The following VAV2 variants were observed in gnomAD, a reference collection of about 807,000 sequenced individuals.
The protein encoded by VAV2 is vav guanine nucleotide exchange factor 2, also known as guanine nucleotide exchange factor VAV2.
In VAV2, 67 loss-of-function variants were observed where a neutral mutation model predicts 132.5. The ratio of observed to expected loss-of-function variants is 0.51; its 90% CI spans 0.42 to 0.62. The LOEUF is 0.62. Ranked by LOEUF, VAV2 falls within the 20% of genes least tolerant of loss-of-function variation. The probability of loss-of-function intolerance (pLI) is 0.00; values close to 1 mark genes in which losing one functional copy is unlikely to be tolerated. For missense variants in VAV2, 938 were observed against 1,153.6 expected, an observed-to-expected ratio of 0.81 and a Z score of 2.71; for synonymous variants, 492 against 443.5, an observed-to-expected ratio of 1.11 and a Z score of -1.37.
chr9:133,799,926 C>T (rs1019629820), intron 9 of VAV2, among the ~76,000 whole-genome samples: 2 of 152,116 alleles, frequency 1.3e-5, no homozygotes, highest in African/African-American at 2.4e-5. Flanking sequence ...TGCCCCGCTC[C>T]GGATCGGTGT....
At position 133,991,166 on chromosome 9, in the gene VAV2, G is replaced by T. The variant is rs1454464848; in HGVS notation, c.204+909C>A. 6.6e-6 allele frequency among the ~76,000 whole-genome samples: 1 copy of T among 152,136 alleles called. No homozygotes were observed. Among genetic ancestry groups the T allele is most frequent in the Non-Finnish European group, 1.5e-5 (1 of 68,022 alleles). On this transcript the variant is annotated intron_variant, in intron 1 of 29. Transcript: ENST00000371850. The surrounding 1 kb of genome is among the most constrained non-coding windows in gnomAD (Gnocchi z 4.8). ...GACCGCACCTCCTCGGCGCTGGGTG[G>T]ACCCGGCTGCCACCCGCTCTGCCTC...
chr9:133,780,630 C>A, intron 20 of VAV2, 64 bp downstream of exon 20: 2 of 1,187,008 alleles, frequency 1.7e-6, no homozygotes, highest in South Asian at 5.7e-5. Context: ...GTCTTTCTGG[C>A]TCTGCGCACA....
At chr9:133,952,937 G>C (rs2319062) in intron 1 of VAV2, among the ~76,000 whole-genome samples, 7 of 133,624 alleles carry the variant, frequency 5.2e-5, no homozygotes, top group African/African-American at 8.6e-5. Flanking sequence ...CATGGCCCCC[G>C]GGACACCTAG....
Position 133,861,443 on chromosome 9 carries a change from CAAG to C in VAV2, c.322-14_322-12del. Reference sequence around the variant, plus strand: ...CACCGCGGAGATGACCTGGGGGAGACAAGAAGAGACGCTCCTGTAATTTCACAA... The same window carrying C: ...CACCGCGGAGATGACCTGGGGGAGACAAGAGACGCTCCTGTAATTTCACAA... On this transcript the variant is annotated splice_polypyrimidine_tract_variant and intron_variant, in intron 2 of 29. Coordinates refer to ENST00000371850, the MANE Select transcript of VAV2 (RefSeq NM_001134398.2). 1 of 1,612,470 alleles carries C rather than the reference CAAG, an allele frequency of 6.2e-7. No homozygotes were observed. Among genetic ancestry groups the C allele is most frequent in the Non-Finnish European group, 8.5e-7 (1 of 1,179,496 alleles).
chr9:133,796,860 G>A (rs1834739592), intron 10 of VAV2, among the ~76,000 whole-genome samples: 1 of 152,226 alleles, frequency 6.6e-6, no homozygotes, highest in African/African-American at 2.4e-5. Flanking sequence ...TTTGGAGAAG[G>A]TCCTTTGGAG....
intron 2 of VAV2, among the ~76,000 whole-genome samples, chr9:133,870,564 A>G (rs1432973141): frequency 6.6e-6 from 1 of 152,204 alleles, no homozygotes; most frequent in Non-Finnish European, 1.5e-5. Context: ...GGTCTGGATC[A>G]ACACCTTCAA....
intron 2 of VAV2, among the ~76,000 whole-genome samples, chr9:133,862,886 CAT>C (rs1348230498): frequency 2.0e-5 from 3 of 152,336 alleles, no homozygotes; most frequent in East Asian, 1.9e-4. Context: ...GAAAATGAAC[CAT>C]AGAGACGGCG....
At chr9:133,979,370 C>T (rs985363027) in intron 1 of VAV2, among the ~76,000 whole-genome samples, 1 of 152,166 alleles carries the variant, frequency 6.6e-6, no homozygotes, top group Non-Finnish European at 1.5e-5. Flanking sequence ...GCTGTGTGTG[C>T]GGTCTCCACC....
intron 2 of VAV2, among the ~76,000 whole-genome samples, chr9:133,920,702 A>G (rs1230999819): frequency 6.6e-6 from 1 of 151,718 alleles, no homozygotes. Context: ...TGCTCGGCTC[A>G]AGGCGGGGGA....
intron 1 of VAV2, among the ~76,000 whole-genome samples, chr9:133,980,031 G>A (rs1842645144): frequency 6.6e-6 from 1 of 152,212 alleles, no homozygotes; most frequent in Non-Finnish European, 1.5e-5. Flanking sequence ...GCCAGTGCGC[G>A]ACACACAGAG....
chr9:133,795,672 A>G lies in VAV2; in HGVS notation c.1097T>C (p.Met366Thr). ...RQQLKEALEA[M>T]QDLAMYINEV... ...TGCCTCAGTTTACCCACACACCTGC[A>G]TGGCTTCCAGTGCTTCTTTGAGCTG... Residue 366 changes from methionine (M) to threonine (T), a missense_variant, in exon 12 of 30, where the codon ATG becomes ACG. Transcript: ENST00000371850. The G allele has an allele frequency of 5.0e-6, 8 of 1,614,128 alleles. No homozygotes were observed. The highest frequency in any genetic ancestry group is 6.8e-6 in the Non-Finnish European group (8 of 1,179,978).
chr9:133,945,958 G>A (rs1841343275), intron 1 of VAV2, among the ~76,000 whole-genome samples: 1 of 152,194 alleles, frequency 6.6e-6, no homozygotes, highest in African/African-American at 2.4e-5. Context: ...AATGGGCAAG[G>A]AGAACCCTGC....
intron 2 of VAV2, among the ~76,000 whole-genome samples, chr9:133,925,288 G>C (rs1026398984): frequency 5.9e-5 from 9 of 152,116 alleles, no homozygotes; most frequent in Admixed American, 1.3e-4. Context: ...ACAATCTTGG[G>C]ACACTGCAAC....
intron 1 of VAV2, among the ~76,000 whole-genome samples, chr9:133,984,157 G>A (rs1038236054): frequency 6.6e-6 from 1 of 152,090 alleles, no homozygotes; most frequent in African/African-American, 2.4e-5. Flanking sequence ...ATTTTTAGCA[G>A]ATACGGGGGT....
intron 1 of VAV2, among the ~76,000 whole-genome samples, chr9:133,960,242 G>A (rs930173494): frequency 6.6e-6 from 1 of 152,202 alleles, no homozygotes; most frequent in Non-Finnish European, 1.5e-5. Flanking sequence ...GGTGCACTGT[G>A]AGGTCAGGGC....
At chr9:133,930,005 C>A (rs964472313) in intron 2 of VAV2, among the ~76,000 whole-genome samples, 17 of 152,254 alleles carry the variant, frequency 1.1e-4, no homozygotes, top group Non-Finnish European at 2.2e-4. Flanking sequence ...CCCTGCCCTC[C>A]CTTCCTCCTC....
rs866848200 is a variant in VAV2 at position 133,937,539 on chromosome 9, A to T, written c.321+1564T>A. ...GTGCGCGTGTGAGAGTGTGTGTGAG[A>T]GTGTGTGTGTGTGTGTGTGTTCTGA... is the stretch of plus-strand genomic sequence containing the variant. On this transcript the variant is annotated intron_variant, in intron 2 of 29. Coordinates refer to ENST00000371850, the MANE Select transcript of VAV2 (RefSeq NM_001134398.2). Among the ~76,000 whole-genome samples the T allele has an allele frequency of 1.9e-3, 276 of 148,750 alleles. 1 individual carries two copies. The highest frequency in any genetic ancestry group is 5.9e-3 in the African/African-American group (236 of 40,116).
At chr9:133,781,793 C>A (rs1834016409) in intron 19 of VAV2, among the ~76,000 whole-genome samples, 1 of 152,190 alleles carries the variant, frequency 6.6e-6, no homozygotes, top group South Asian at 2.1e-4. Flanking sequence ...AGGAGGGGGG[C>A]AAGGACACAG....
chr9:133,812,323 G>A, intron 4 of VAV2, 107 bp from the exon 5 acceptor site: 1 of 1,075,070 alleles, frequency 9.3e-7, no homozygotes, highest in Non-Finnish European at 1.4e-6. Flanking sequence ...TGGGGCCACA[G>A]CGAGGTCACC....
Sources: gnomAD v4.1 joint callset for allele counts (sites outside exome capture counted in the v4.1 genomes callset) on GRCh38, gnomAD v4.1.1 for gene constraint, Gnocchi (gnomAD v3.1) non-coding constraint, MANE v1.5 for transcripts, NCBI Gene and HGNC (gene_info 2026-07-23, HGNC 2026-07-21) for gene names.